AOX1: variants seen among roughly 807,000 people sequenced by gnomAD.
The protein encoded by AOX1 is aldehyde oxidase.
AOX1 carries 153 observed loss-of-function variants against 169.5 expected under a neutral mutation model. The observed-to-expected ratio is 0.90, with a 90% CI of 0.79 to 1.03. The LOEUF is 1.03. Among genes scored for constraint, AOX1 ranks in the 50% least tolerant of loss-of-function variants. The pLI is 0.00. For missense variants in AOX1, 1,656 were observed against 1,663.9 expected (o/e 1.00, Z 0.08); for synonymous variants, 562 against 581.9 (o/e 0.97, Z 0.49).
intron 26 of AOX1, among the ~76,000 whole-genome samples, chr2:200,655,255 A>G: frequency 6.6e-6 from 1 of 152,194 alleles, no homozygotes; most frequent in East Asian, 1.9e-4. Flanking sequence ...CAGGGGGCTC[A>G]TATTCTAGCA....
At chr2:200,617,000 C>G (rs577335726) in intron 16 of AOX1, among the ~76,000 whole-genome samples, 1 of 152,122 alleles carries the variant, frequency 6.6e-6, no homozygotes, top group Non-Finnish European at 1.5e-5. Context: ...GCCATCTCCC[C>G]GGTGTTCTTT....
At position 200,596,469 on chromosome 2, in the gene AOX1, G is replaced by A. The variant is rs1001018691; in HGVS notation, c.201-928G>A. Among the ~76,000 whole-genome samples, 6 of 152,288 alleles carry A rather than the reference G, an allele frequency of 3.9e-5. No homozygotes were observed. In the South Asian group the frequency reaches 6.2e-4, roughly 16 times the overall value. Reference sequence around the variant, plus strand: ...GTTTAAGGACCAGTATGCTTGGAAAGTTTCTTTTAGCTCTCCTTCCCTGCC... The same window carrying A: ...GTTTAAGGACCAGTATGCTTGGAAAATTTCTTTTAGCTCTCCTTCCCTGCC... On this transcript the variant is annotated intron_variant, in intron 3 of 34. Transcript: ENST00000374700.
chr2:200,671,820 C>A (rs768647738), downstream of AOX1, among the ~76,000 whole-genome samples: 1 of 151,834 alleles, frequency 6.6e-6, no homozygotes, highest in Non-Finnish European at 1.5e-5. Flanking sequence ...AGGTATATAC[C>A]CAAGAGAATT....
intron 32 of AOX1, among the ~76,000 whole-genome samples, chr2:200,667,925 T>C (rs902167809): frequency 1.2e-4 from 18 of 152,070 alleles, no homozygotes; most frequent in Admixed American, 2.0e-4. Context: ...CTGGGGTCTC[T>C]GGACACATCA....
chr2:200,600,767 T>C (rs2034397527), intron 5 of AOX1, among the ~76,000 whole-genome samples: 1 of 152,214 alleles, frequency 6.6e-6, no homozygotes, highest in Admixed American at 6.5e-5. Flanking sequence ...ATTTCATGGC[T>C]GTTTATGATG....
intron 1 of AOX1, among the ~76,000 whole-genome samples, chr2:200,587,720 TTA>T (rs1239120876): frequency 6.6e-6 from 1 of 152,162 alleles, no homozygotes; most frequent in Non-Finnish European, 1.5e-5. Context: ...ATGATTGACA[TTA>T]TGTCATTTTT....
At chr2:200,637,621 A>G (rs1389092052) in intron 22 of AOX1, among the ~76,000 whole-genome samples, 2 of 152,066 alleles carry the variant, frequency 1.3e-5, no homozygotes, top group Non-Finnish European at 2.9e-5. Flanking sequence ...ATGTGTATAT[A>G]TGTATATGTG....
At chr2:200,642,936 T>A in intron 25 of AOX1, 135 bp downstream of exon 25, 1 of 832,220 alleles carries the variant, frequency 1.2e-6, no homozygotes, top group Non-Finnish European at 1.8e-6. Flanking sequence ...GCTAACTGGT[T>A]AATGCGGAGC....
At chr2:200,588,854 A>G (rs972790356) in intron 1 of AOX1, among the ~76,000 whole-genome samples, 1 of 149,596 alleles carries the variant, frequency 6.7e-6, no homozygotes, top group African/African-American at 2.5e-5. Flanking sequence ...GGGTTTCACT[A>G]TGTTGGCCAA....
At chr2:200,628,685 T>C (rs553052804) in intron 20 of AOX1, among the ~76,000 whole-genome samples, 5 of 152,284 alleles carry the variant, frequency 3.3e-5, no homozygotes, top group South Asian at 2.1e-4. Flanking sequence ...TCCCAGCACT[T>C]TGGGAGGCCG....
chr2:200,668,094 AT>A (rs1348171316), intron 32 of AOX1, among the ~76,000 whole-genome samples: 7 of 150,182 alleles, frequency 4.7e-5, no homozygotes, highest in Admixed American at 4.0e-4. Flanking sequence ...CATGATTTTT[AT>A]TTATTATTAT....
intron 24 of AOX1, 73 bp downstream of exon 24, chr2:200,641,257 C>A (rs188092671): frequency 5.8e-6 from 6 of 1,035,448 alleles, no homozygotes; most frequent in Non-Finnish European, 9.0e-6. Context: ...TAGAAAATGC[C>A]CAATAGTTAA....
At chr2:200,644,382 T>C (rs2035411282) in intron 25 of AOX1, among the ~76,000 whole-genome samples, 1 of 151,960 alleles carries the variant, frequency 6.6e-6, no homozygotes, top group South Asian at 2.1e-4. Flanking sequence ...AGTATTTGGG[T>C]TCTCTATTCT....
intron 2 of AOX1, among the ~76,000 whole-genome samples, chr2:200,594,855 C>T (rs140142244): frequency 5.0e-4 from 76 of 152,320 alleles, no homozygotes; most frequent in African/African-American, 1.8e-3. Flanking sequence ...AATACACAAA[C>T]ATGGCTAAGA....
In AOX1 at chr2:200,602,320, T is replaced by A. The variant is rs754234851; in HGVS notation, c.473T>A (p.Ile158Asn). 4.3e-6 allele frequency: 7 copies of A among 1,613,896 alleles called. No individual in the cohort carries two copies. In the South Asian group the frequency reaches 7.7e-5, roughly 18 times the overall value. ...LCRCTGYRPIIDACKTFCKTS... is the reference protein window; with the variant it reads ...LCRCTGYRPINDACKTFCKTS... The stretch of plus-strand genomic sequence containing the variant: ...CGTTGCACTGGATACAGGCCCATAA[T>A]TGATGCATGCAAGACTTTCTGTAAA... The change falls in exon 6 of 35, where the codon ATT becomes AAT. Residue 158 changes from isoleucine to asparagine, a missense_variant. Coordinates refer to ENST00000374700, the MANE Select transcript of AOX1 (RefSeq NM_001159.4).
downstream of AOX1, among the ~76,000 whole-genome samples, chr2:200,681,883 T>G (rs1220088650): frequency 6.6e-6 from 1 of 152,132 alleles, no homozygotes; most frequent in Non-Finnish European, 1.5e-5. Context: ...AATCTTTTAA[T>G]TATGTATTTA....
chr2:200,651,617 G>T (rs79026653), intron 26 of AOX1, among the ~76,000 whole-genome samples: 2,505 of 152,232 alleles, frequency 0.016, 56 homozygotes, highest in African/African-American at 0.054. Flanking sequence ...ATGAGGAGCT[G>T]CAAGGTTTTG....
chr2:200,586,526 G>A (rs1463597420), intron 1 of AOX1, among the ~76,000 whole-genome samples: 3 of 152,198 alleles, frequency 2.0e-5, no homozygotes, highest in Non-Finnish European at 4.4e-5. Context: ...AGCCGATAAC[G>A]GGAACGTCCC....
At chr2:200,618,309 A>G (rs1432347918) in intron 16 of AOX1, among the ~76,000 whole-genome samples, 1 of 152,246 alleles carries the variant, frequency 6.6e-6, no homozygotes, top group East Asian at 1.9e-4. Context: ...ACTGAAGTTT[A>G]CATTTAAGTA....
Sources: allele counts gnomAD v4.1 joint callset (sites outside exome capture counted in the v4.1 genomes callset), GRCh38; gene constraint gnomAD v4.1.1; transcripts MANE v1.5; gene names NCBI Gene and HGNC (gene_info 2026-07-23, HGNC 2026-07-21).